Variants in TAF4B observed in about 807,000 individuals in gnomAD.
TAF4B encodes the protein TATA-box binding protein associated factor 4b.
In TAF4B, 38 loss-of-function variants were observed where a neutral mutation model predicts 86.4. The observed-to-expected ratio is 0.44, with a 90% CI of 0.34 to 0.58. TAF4B has a LOEUF of 0.58. TAF4B is among the 20% of genes least tolerant of loss of function. The pLI, the probability that TAF4B is intolerant of heterozygous loss-of-function variation, is 0.02. For missense variants in TAF4B, 988 were observed against 1,027.6 expected (o/e 0.96, Z 0.53); for synonymous variants, 388 against 391.2 (o/e 0.99, Z 0.10).
chr18:26,338,143 A>C (rs1293575971), intron 13 of TAF4B, among the ~76,000 whole-genome samples: 1 of 152,032 alleles, frequency 6.6e-6, no homozygotes, highest in Admixed American at 6.6e-5. Context: ...TTTGCTTTCA[A>C]CTGTTAAGGA....
At chr18:26,347,326 A>G (rs1371532974) in intron 13 of TAF4B, among the ~76,000 whole-genome samples, 1 of 152,158 alleles carries the variant, frequency 6.6e-6, no homozygotes, top group Admixed American at 6.5e-5. Flanking sequence ...GACAAGGCCT[A>G]CAAGAGATAC....
chr18:26,380,477 G>A (rs2057470742), intron 14 of TAF4B, among the ~76,000 whole-genome samples: 1 of 152,146 alleles, frequency 6.6e-6, no homozygotes, highest in South Asian at 2.1e-4. Flanking sequence ...AGAGAACATA[G>A]CCTGATTTTA....
chr18:26,285,912 C>T lies in TAF4B; in HGVS notation c.1003C>T (p.Pro335Ser). The T allele has an allele frequency of 6.2e-7, 1 of 1,611,944 alleles. No individual in the cohort carries two copies. The highest frequency in any genetic ancestry group is 8.5e-7 in the Non-Finnish European group (1 of 1,178,572). Residue 335 changes from proline to serine, a missense_variant, in exon 7 of 15, where the codon CCT (proline) becomes TCT (serine). Physicochemically the swap from Pro to Ser is moderately conservative, Grantham distance 74. This residue lies in a region of TAF4B where 747 missense variants were observed against 737.9 expected (regional missense o/e 1.01). Transcript: ENST00000269142. ...CGTGGTTGCCTTACGACAACTTCTG[C>T]CTAACTCCCAGAGCTTCATCCAGCA... is the stretch of plus-strand genomic sequence containing the variant. ...KSVVALRQLL[P>S]NSQSFIQQCV...
Position 26,326,966 on chromosome 18 carries a change from G to A in TAF4B, c.2134-49G>A, listed in dbSNP as rs749274293. The A allele has an allele frequency of 1.0e-5, 16 of 1,586,628 alleles. No homozygotes were observed. In the Admixed American group the frequency reaches 2.0e-4, roughly 20 times the overall value. On this transcript the variant is annotated intron_variant, in intron 11 of 14. Coordinates refer to ENST00000269142, the MANE Select transcript of TAF4B (RefSeq NM_005640.3). ...GTTTATACAATACCTAATGTAGAATGTGTGGCCCAGGATCATTATAAGACT... is the reference window on the plus strand; with the variant it reads ...GTTTATACAATACCTAATGTAGAATATGTGGCCCAGGATCATTATAAGACT...
chr18:26,343,356 A>G (rs2057150813), intron 13 of TAF4B, among the ~76,000 whole-genome samples: 1 of 152,168 alleles, frequency 6.6e-6, no homozygotes, highest in African/African-American at 2.4e-5. Flanking sequence ...TGAACTATAC[A>G]TTTGCCATAT....
chr18:26,271,120 A>T (rs996548634), intron 3 of TAF4B, among the ~76,000 whole-genome samples: 1 of 152,246 alleles, frequency 6.6e-6, no homozygotes, highest in African/African-American at 2.4e-5. Flanking sequence ...AGGCATGGAA[A>T]TAAGGAGCTA....
chr18:26,383,820 A>G (rs1269652238), intron 14 of TAF4B, among the ~76,000 whole-genome samples: 1 of 152,194 alleles, frequency 6.6e-6, no homozygotes, highest in Non-Finnish European at 1.5e-5. Context: ...AGAAAGGAAT[A>G]AAATGAAGGT....
intron 11 of TAF4B, among the ~76,000 whole-genome samples, chr18:26,324,308 C>T (rs2056986863): frequency 6.6e-6 from 1 of 152,138 alleles, no homozygotes; most frequent in South Asian, 2.1e-4. Context: ...GATAGGGTTT[C>T]GCCATGTTGG....
intron 14 of TAF4B, 61 bp from the exon 15 acceptor site, chr18:26,389,784 A>G: frequency 6.4e-6 from 10 of 1,552,630 alleles, no homozygotes; most frequent in Non-Finnish European, 8.7e-6. Context: ...GCTAGAATTG[A>G]CAGGCTTTCC....
chr18:26,343,860 A>C (rs1324223986), intron 13 of TAF4B, among the ~76,000 whole-genome samples: 1 of 152,220 alleles, frequency 6.6e-6, no homozygotes, highest in African/African-American at 2.4e-5. Flanking sequence ...GACTGTATTC[A>C]AAATATTCAG....
intron 1 of TAF4B, chr18:26,255,950 G>C: frequency 7.6e-7 from 1 of 1,311,798 alleles, no homozygotes; most frequent in East Asian, 2.3e-5. Context: ...ACTGGTTACT[G>C]TAACAAGGAG....
At chr18:26,377,200 A>G (rs538743013) in intron 14 of TAF4B, among the ~76,000 whole-genome samples, 20 of 152,276 alleles carry the variant, frequency 1.3e-4, no homozygotes, top group African/African-American at 4.6e-4. Context: ...AGAATGGATT[A>G]GAAAGTGTTC....
At chr18:26,265,396 G>T (rs2056225448) in intron 2 of TAF4B, 81 bp downstream of exon 2, 6 of 1,402,366 alleles carry the variant, frequency 4.3e-6, no homozygotes, top group Non-Finnish European at 5.7e-6. Context: ...ATGTTTGCTA[G>T]TAAAAAATAA....
chr18:26,236,224 C>G (rs1030107879), intron 1 of TAF4B, among the ~76,000 whole-genome samples: 1 of 152,104 alleles, frequency 6.6e-6, no homozygotes, highest in East Asian at 1.9e-4. Context: ...AAGAAAGGCA[C>G]GTGAAAAGAG....
chr18:26,368,514 C>T (rs2057385679), intron 14 of TAF4B, among the ~76,000 whole-genome samples: 2 of 152,122 alleles, frequency 1.3e-5, no homozygotes, highest in South Asian at 4.2e-4. Context: ...GATAGCAGTC[C>T]CTCTTTACCT....
intron 14 of TAF4B, 46 bp from the exon 15 acceptor site, chr18:26,389,799 A>T (rs368175231): frequency 2.5e-6 from 4 of 1,583,182 alleles, no homozygotes; most frequent in Middle Eastern, 3.5e-4. Context: ...CTTTCCCTTT[A>T]TGAAAGATTT....
intron 9 of TAF4B, among the ~76,000 whole-genome samples, chr18:26,309,833 TA>T (rs1243414000): frequency 6.6e-6 from 1 of 152,136 alleles, no homozygotes; most frequent in African/African-American, 2.4e-5. Context: ...ATTTATTTTT[TA>T]TTTTTTATTT....
intron 9 of TAF4B, among the ~76,000 whole-genome samples, chr18:26,294,210 G>A (rs1231925910): frequency 2.6e-5 from 4 of 152,058 alleles, no homozygotes. Context: ...TTATCAAAAT[G>A]ACAGTATCAT....
intron 1 of TAF4B, among the ~76,000 whole-genome samples, chr18:26,230,633 G>A (rs1356190209): frequency 6.6e-6 from 1 of 152,168 alleles, no homozygotes; most frequent in Admixed American, 6.5e-5. Context: ...TCTTCCTCAA[G>A]GTGAGGTTAG....
Sources: allele counts gnomAD v4.1 joint callset (sites outside exome capture counted in the v4.1 genomes callset), GRCh38; gene constraint gnomAD v4.1.1; regional missense constraint gnomAD v4.1.1; transcripts MANE v1.5; gene names NCBI Gene and HGNC (gene_info 2026-07-23, HGNC 2026-07-21).